The following FNDC3A variants were observed in gnomAD, a reference collection of about 807,000 sequenced individuals.
FNDC3A encodes the protein fibronectin type III domain containing 3A.
In FNDC3A, 32 loss-of-function variants were observed where a neutral mutation model predicts 148.9. The ratio of observed to expected loss-of-function variants is 0.21; its 90% CI spans 0.16 to 0.29. The LOEUF (loss-of-function observed/expected upper bound fraction) is 0.29, where lower values mean the gene tolerates loss of function less well. Among genes scored for constraint, FNDC3A ranks in the 10% least tolerant of loss-of-function variants. FNDC3A has a pLI of 1.00. For synonymous variants in FNDC3A, 472 were observed against 473.6 expected (o/e 1.00, Z 0.04); for missense variants, 1,191 against 1,452.8 (o/e 0.82, Z 2.93).
intron 2 of FNDC3A, among the ~76,000 whole-genome samples, chr13:49,030,310 A>C (rs1383933035): frequency 1.3e-5 from 2 of 152,178 alleles, no homozygotes; most frequent in Non-Finnish European, 2.9e-5. Context: ...CATTTGACAA[A>C]ATTCAACACT....
At chr13:49,192,548 C>T (rs562409482) in intron 19 of FNDC3A, among the ~76,000 whole-genome samples, 3 of 152,130 alleles carry the variant, frequency 2.0e-5, no homozygotes, top group South Asian at 2.1e-4. Flanking sequence ...CTACCCACCT[C>T]GGCCTCCCAA....
chr13:49,079,360 A>C (rs1174768082), intron 3 of FNDC3A, among the ~76,000 whole-genome samples: 1 of 152,224 alleles, frequency 6.6e-6, no homozygotes, highest in Non-Finnish European at 1.5e-5. Flanking sequence ...GTTGTATTAC[A>C]GTATAAAAAG....
At chr13:49,103,049 C>G (rs1879961299) in intron 3 of FNDC3A, among the ~76,000 whole-genome samples, 1 of 152,194 alleles carries the variant, frequency 6.6e-6, no homozygotes, top group Non-Finnish European at 1.5e-5. Context: ...GTGTACCAAA[C>G]ACTGTTCTAA....
chr13:49,095,152 T>A (rs1233873244), intron 3 of FNDC3A, among the ~76,000 whole-genome samples: 2 of 151,988 alleles, frequency 1.3e-5, no homozygotes, highest in African/African-American at 2.4e-5. Flanking sequence ...TATATTTTTT[T>A]AAATTAAGAC....
At chr13:49,205,372 G>T (rs1203391377) in intron 25 of FNDC3A, among the ~76,000 whole-genome samples, 2 of 152,130 alleles carry the variant, frequency 1.3e-5, no homozygotes, top group African/African-American at 4.8e-5. Flanking sequence ...TTACTTCAGT[G>T]TTATGTATAC....
At chr13:49,079,476 C>T (rs868572997) in intron 3 of FNDC3A, among the ~76,000 whole-genome samples, 1 of 152,110 alleles carries the variant, frequency 6.6e-6, no homozygotes, top group Non-Finnish European at 1.5e-5. Context: ...TGAGCCTCCT[C>T]GAAGAACAGT....
At chr13:49,085,142 T>C (rs1878725113) in intron 3 of FNDC3A, among the ~76,000 whole-genome samples, 1 of 152,156 alleles carries the variant, frequency 6.6e-6, no homozygotes, top group South Asian at 2.1e-4. Flanking sequence ...TAACCACACG[T>C]CCATCCTCAT....
intron 2 of FNDC3A, among the ~76,000 whole-genome samples, chr13:49,022,394 G>A (rs1873393652): frequency 3.3e-5 from 5 of 152,110 alleles, no homozygotes; most frequent in Admixed American, 3.3e-4. Context: ...CTCCATGGAA[G>A]TTGTGTTTGG....
At chr13:49,078,177 T>G (rs1454745197) in intron 3 of FNDC3A, among the ~76,000 whole-genome samples, 1 of 152,218 alleles carries the variant, frequency 6.6e-6, no homozygotes, top group Non-Finnish European at 1.5e-5. Flanking sequence ...CTATTTATGA[T>G]TGGATAACCA....
At chr13:49,181,517 GA>G (rs796984148) in intron 14 of FNDC3A, among the ~76,000 whole-genome samples, 5 of 149,636 alleles carry the variant, frequency 3.3e-5, no homozygotes, top group South Asian at 4.2e-4. Flanking sequence ...TCTAGAGGAG[GA>G]AAAAAAAACA....
chr13:48,987,498 A>C (rs1951828084), intron 1 of FNDC3A, among the ~76,000 whole-genome samples: 1 of 152,170 alleles, frequency 6.6e-6, no homozygotes, highest in Non-Finnish European at 1.5e-5. Context: ...ATGTCTAATT[A>C]AATTTAAATT....
At chr13:49,169,176 C>T (rs1884632485) in intron 10 of FNDC3A, among the ~76,000 whole-genome samples, 1 of 152,110 alleles carries the variant, frequency 6.6e-6, no homozygotes, top group Admixed American at 6.5e-5. Context: ...TATTTTAATT[C>T]ATAAACGTTT....
intron 1 of FNDC3A, among the ~76,000 whole-genome samples, chr13:48,998,778 G>T (rs1287351346): frequency 2.6e-5 from 4 of 152,164 alleles, no homozygotes; most frequent in African/African-American, 9.7e-5. Flanking sequence ...TCAAAGGGGT[G>T]GCTGGCTGAC....
At chr13:49,088,782 C>T (rs1270876956) in intron 3 of FNDC3A, among the ~76,000 whole-genome samples, 6 of 151,800 alleles carry the variant, frequency 4.0e-5, no homozygotes, top group Non-Finnish European at 1.5e-5. Context: ...CCAGGCTGGT[C>T]TTGAACTCGT....
chr13:49,166,217 C>A (rs1315752880), intron 8 of FNDC3A, among the ~76,000 whole-genome samples: 3 of 152,136 alleles, frequency 2.0e-5, no homozygotes, highest in African/African-American at 7.2e-5. Context: ...GCGCTTTGGC[C>A]CCAGCTGCAG....
chr13:49,067,591 A>G (rs527823440), intron 2 of FNDC3A, among the ~76,000 whole-genome samples: 3 of 152,310 alleles, frequency 2.0e-5, no homozygotes, highest in African/African-American at 7.2e-5. Flanking sequence ...CCTGCTGCTC[A>G]AGGTCATCGC....
intron 11 of FNDC3A, among the ~76,000 whole-genome samples, chr13:49,173,842 A>G (rs753113744): frequency 4.6e-5 from 7 of 152,214 alleles, no homozygotes; most frequent in Non-Finnish European, 7.3e-5. Flanking sequence ...AAACTTACCC[A>G]TTTTAGTTAC....
intron 3 of FNDC3A, among the ~76,000 whole-genome samples, chr13:49,075,841 C>T (rs1878071626): frequency 7.8e-6 from 1 of 128,084 alleles, no homozygotes; most frequent in African/African-American, 2.9e-5. Flanking sequence ...TCAGATCCTA[C>T]CTGTGCTTCA....
intron 3 of FNDC3A, among the ~76,000 whole-genome samples, chr13:49,076,776 A>G (rs1226369711): frequency 1.3e-5 from 2 of 151,924 alleles, no homozygotes; most frequent in African/African-American, 2.4e-5. Context: ...TCATTTACCA[A>G]ATAACTACAC....
Sources: allele counts gnomAD v4.1 joint callset (sites outside exome capture counted in the v4.1 genomes callset), GRCh38; gene constraint gnomAD v4.1.1; transcripts MANE v1.5; gene names NCBI Gene and HGNC (gene_info 2026-07-23, HGNC 2026-07-21).